The following PRMT8 variants were observed in gnomAD, a reference collection of about 807,000 sequenced individuals.
PRMT8 encodes the protein protein arginine methyltransferase 8, also known as protein arginine N-methyltransferase 8.
Under a neutral mutation model 47.1 loss-of-function variants are expected in PRMT8, and 7 were observed. The observed-to-expected ratio is 0.15, with a 90% CI of 0.08 to 0.28. PRMT8 has a LOEUF of 0.28. PRMT8 is among the 10% of genes least tolerant of loss of function. The probability of loss-of-function intolerance (pLI) is 1.00; values close to 1 mark genes in which losing one functional copy is unlikely to be tolerated. For missense variants in PRMT8, 237 were observed against 505.4 expected (o/e 0.47, Z 5.09); for synonymous variants, 188 against 186.5 (o/e 1.01, Z -0.07).
chr12:3,412,613 TTC>T (rs569013873), intron 1 of PRMT8, among the ~76,000 whole-genome samples: 2 of 152,160 alleles, frequency 1.3e-5, no homozygotes, highest in African/African-American at 2.4e-5. Context: ...TATTTAAAAA[TTC>T]TCTCTCTTTT....
chr12:3,532,955 T>C (rs1164104091), intron 1 of PRMT8, among the ~76,000 whole-genome samples: 1 of 151,964 alleles, frequency 6.6e-6, no homozygotes, highest in Non-Finnish European at 1.5e-5. Context: ...CTGGGAGGCC[T>C]CCCAGAGTGG....
chr12:3,548,993 C>T (rs879438949), intron 2 of PRMT8, among the ~76,000 whole-genome samples: 5 of 152,168 alleles, frequency 3.3e-5, no homozygotes, highest in African/African-American at 4.8e-5. Context: ...GAACAAACCT[C>T]GGATCTGTGT....
intron 1 of PRMT8, among the ~76,000 whole-genome samples, chr12:3,529,806 A>G (rs1389919290): frequency 6.6e-6 from 1 of 152,142 alleles, no homozygotes; most frequent in African/African-American, 2.4e-5. Flanking sequence ...GAGCCTGAGA[A>G]TCTATGAGGA....
chr12:3,452,517 G>A (rs1864930669), intron 1 of PRMT8, among the ~76,000 whole-genome samples: 1 of 152,190 alleles, frequency 6.6e-6, no homozygotes, highest in African/African-American at 2.4e-5. Context: ...CCCTGGGCTG[G>A]GGGATCACCT....
At chr12:3,490,471 T>A (rs1448918934), upstream of PRMT8, among the ~76,000 whole-genome samples, 1 of 144,892 alleles carries the variant, frequency 6.9e-6, no homozygotes, top group African/African-American at 2.6e-5. Flanking sequence ...GACTTCAAAA[T>A]CTGGCGATGG....
At chr12:3,513,170 C>T (rs1371706100) in intron 1 of PRMT8, among the ~76,000 whole-genome samples, 1 of 152,136 alleles carries the variant, frequency 6.6e-6, no homozygotes, top group African/African-American at 2.4e-5. Context: ...GGAAAAGCGG[C>T]GGAATCTGTA....
chr12:3,579,923 G>C (rs1867023250), intron 7 of PRMT8, among the ~76,000 whole-genome samples: 1 of 152,100 alleles, frequency 6.6e-6, no homozygotes, highest in Non-Finnish European at 1.5e-5. Context: ...GGGTCTCCCT[G>C]GGGTCTCAGA....
At chr12:3,578,971 A>C (rs1288966994) in intron 7 of PRMT8, among the ~76,000 whole-genome samples, 1 of 152,116 alleles carries the variant, frequency 6.6e-6, no homozygotes, top group Admixed American at 6.5e-5. Flanking sequence ...TCACTACTTC[A>C]TTCAGCCTTT....
chr12:3,480,639 T>C (rs2137101198), intron 1 of PRMT8, among the ~76,000 whole-genome samples: 1 of 83,752 alleles, frequency 1.2e-5, no homozygotes, highest in African/African-American at 5.7e-5. Context: ...CTGACTTTAG[T>C]TCAGTGCTTC....
At chr12:3,455,088 T>C (rs1864959440) in intron 1 of PRMT8, among the ~76,000 whole-genome samples, 1 of 152,098 alleles carries the variant, frequency 6.6e-6, no homozygotes, top group Non-Finnish European at 1.5e-5. Context: ...CTGGGGGAGA[T>C]GGAGTTTGGG....
At chr12:3,448,018 G>A (rs1369294806) in intron 1 of PRMT8, among the ~76,000 whole-genome samples, 1 of 152,124 alleles carries the variant, frequency 6.6e-6, no homozygotes, top group Non-Finnish European at 1.5e-5. Context: ...TGTGAGACAG[G>A]TTCTTGCTCT....
intron 1 of PRMT8, among the ~76,000 whole-genome samples, chr12:3,530,698 A>C (rs936567161): frequency 6.6e-6 from 1 of 152,222 alleles, no homozygotes; most frequent in Non-Finnish European, 1.5e-5. Flanking sequence ...AGCAGCCAGC[A>C]GAACAGGGCT....
chr12:3,388,604 A>T (rs1235376026), intron 1 of PRMT8, among the ~76,000 whole-genome samples: 5 of 149,008 alleles, frequency 3.4e-5, no homozygotes, highest in Non-Finnish European at 7.4e-5. Flanking sequence ...TGAGGTAGAC[A>T]CTATTATGAC....
Position 3,557,338 on chromosome 12 carries a change from G to A in PRMT8, c.481+3624G>A, listed in dbSNP as rs1161697220. ...GGGGGAGCTGGAAGTTGATGACAGTGATGGGCCGTGGGATCTAAGCTGGGC... is the reference window on the plus strand; with the variant it reads ...GGGGGAGCTGGAAGTTGATGACAGTAATGGGCCGTGGGATCTAAGCTGGGC... On this transcript the variant is annotated intron_variant, in intron 4 of 9. Transcript: ENST00000382622. This position sits in a 1 kb window ranked among gnomAD's most constrained non-coding sequence, Gnocchi z 4.7. 6.6e-6 allele frequency among the ~76,000 whole-genome samples: 1 copy of A among 152,168 alleles called. No individual in the cohort carries two copies. The highest frequency in any genetic ancestry group is 1.5e-5 in the Non-Finnish European group (1 of 68,030).
chr12:3,582,932 C>T (rs1867097166), intron 7 of PRMT8, 126 bp from the exon 8 acceptor site: 2 of 1,182,234 alleles, frequency 1.7e-6, no homozygotes, highest in South Asian at 1.6e-5. Context: ...GGAAATCACC[C>T]CAAGAATAAA....
intron 1 of PRMT8, among the ~76,000 whole-genome samples, chr12:3,429,468 A>G (rs1033512638): frequency 4.6e-5 from 7 of 152,192 alleles, no homozygotes; most frequent in African/African-American, 1.7e-4. Flanking sequence ...CCACACGCAC[A>G]CCACAAAACA....
rs1469427307 is a variant in PRMT8 at position 3,568,712 on chromosome 12, C to T, written c.488C>T (p.Thr163Ile). 6.2e-7 allele frequency: 1 copy of T among 1,614,008 alleles called. No homozygotes were observed. The highest frequency in any genetic ancestry group is 8.5e-7 in the Non-Finnish European group (1 of 1,180,012). The change falls in exon 5 of 10, where the codon ACC becomes ATC. Residue 163 changes from threonine (T) to isoleucine (I), a missense_variant. This residue lies in a region of PRMT8 where 151 missense variants were observed against 341.1 expected (regional missense o/e 0.44). Coordinates refer to ENST00000382622, the MANE Select transcript of PRMT8 (RefSeq NM_019854.5). ...IKANHLDNII[T>I]IFKGKVEEVE... ...TGGGGTTCTTATTTTCCAGTCATCA[C>T]CATATTTAAGGGTAAAGTGGAAGAG...
At chr12:3,549,889 G>C (rs746761911) in intron 2 of PRMT8, 47 bp from the exon 3 acceptor site, 30 of 1,604,544 alleles carry the variant, frequency 1.9e-5, no homozygotes, top group Admixed American at 3.3e-5. Context: ...TGTACACCCA[G>C]GTGTCTTGAA....
intron 4 of PRMT8, among the ~76,000 whole-genome samples, chr12:3,565,465 C>T (rs1866703940): frequency 6.6e-6 from 1 of 152,142 alleles, no homozygotes; most frequent in South Asian, 2.1e-4. Context: ...GGGTCCTTTT[C>T]CTTTGACAAA....
Sources: allele counts gnomAD v4.1 joint callset (sites outside exome capture counted in the v4.1 genomes callset), GRCh38; gene constraint gnomAD v4.1.1; regional missense constraint gnomAD v4.1.1; non-coding constraint Gnocchi (gnomAD v3.1); transcripts MANE v1.5; gene names NCBI Gene and HGNC (gene_info 2026-07-23, HGNC 2026-07-21).